Variants in CHCHD6 observed in about 807,000 individuals in gnomAD.
CHCHD6 encodes MICOS complex subunit MIC25.
A neutral mutation model predicts 32.3 loss-of-function variants in CHCHD6; 28 were observed. The ratio of observed to expected loss-of-function variants is 0.87; its 90% CI spans 0.64 to 1.19. The LOEUF (loss-of-function observed/expected upper bound fraction) is 1.19, where lower values mean the gene tolerates loss of function less well. Ranked by LOEUF, CHCHD6 falls within the 50% of genes most tolerant of loss-of-function variation. The probability of loss-of-function intolerance (pLI) is 0.00; values close to 1 mark genes in which losing one functional copy is unlikely to be tolerated. For synonymous variants in CHCHD6, 122 were observed against 117.5 expected (o/e 1.04, Z -0.25); for missense variants, 333 against 307.0 (o/e 1.08, Z -0.63).
chr3:126,924,939 G>C (rs2078301563), intron 6 of CHCHD6, among the ~76,000 whole-genome samples: 1 of 152,158 alleles, frequency 6.6e-6, no homozygotes, highest in African/African-American at 2.4e-5. Context: ...TTCAGGCCTG[G>C]CTCACTCACT....
intron 1 of CHCHD6, among the ~76,000 whole-genome samples, chr3:126,715,416 A>G (rs1485968426): frequency 6.6e-6 from 1 of 152,136 alleles, no homozygotes; most frequent in Non-Finnish European, 1.5e-5. Context: ...CATTAGCCTT[A>G]AATAGGCACC....
chr3:126,829,187 T>A (rs1300452678), intron 4 of CHCHD6, among the ~76,000 whole-genome samples: 3 of 152,176 alleles, frequency 2.0e-5, no homozygotes, highest in Non-Finnish European at 4.4e-5. Context: ...AGTTCAGTGA[T>A]CAGCCAGAGA....
At chr3:126,944,749 A>G (rs977820160) in intron 6 of CHCHD6, among the ~76,000 whole-genome samples, 1 of 152,334 alleles carries the variant, frequency 6.6e-6, no homozygotes, top group East Asian at 1.9e-4. Flanking sequence ...TGGTTAGCAG[A>G]CAGACATGGG....
At chr3:126,777,654 G>A (rs1172222894) in intron 4 of CHCHD6, among the ~76,000 whole-genome samples, 2 of 152,188 alleles carry the variant, frequency 1.3e-5, no homozygotes, top group Non-Finnish European at 2.9e-5. Flanking sequence ...GGCCATAGGT[G>A]GCAGCCCTGT....
chr3:126,863,320 A>G lies in CHCHD6; in HGVS notation c.495+10590A>G, dbSNP rs1479458489. On this transcript the variant is annotated intron_variant, in intron 5 of 7. Transcript: ENST00000290913. ...CTCCTCCTCCTCCTCCTCCATCACCACCTCCTCCTCCTCCTCCATCACCTC... is the reference window on the plus strand; with the variant it reads ...CTCCTCCTCCTCCTCCTCCATCACCGCCTCCTCCTCCTCCTCCATCACCTC... Among the ~76,000 whole-genome samples, 12 of 67,480 alleles carry G rather than the reference A, an allele frequency of 1.8e-4. 1 individual carries two copies. The highest frequency in any genetic ancestry group is 6.8e-4 in the South Asian group (1 of 1,476). 44.3% of individuals were successfully genotyped at this position (67,480 alleles called of 152,430 possible). A position where few individuals can be genotyped will look rare whatever the true frequency, so the allele number is the denominator to read the frequency against.
intron 4 of CHCHD6, among the ~76,000 whole-genome samples, chr3:126,816,313 T>C (rs905361330): frequency 6.6e-6 from 1 of 152,224 alleles, no homozygotes; most frequent in South Asian, 2.1e-4. Context: ...GGCGTTGTCA[T>C]ATTAATCCTG....
intron 6 of CHCHD6, among the ~76,000 whole-genome samples, chr3:126,931,705 T>G (rs759465125): frequency 1.1e-4 from 16 of 152,224 alleles, no homozygotes; most frequent in Admixed American, 2.0e-4. Context: ...TTGGGACCTT[T>G]CTAAGCTCCC....
chr3:126,758,724 G>C (rs1937057709), intron 4 of CHCHD6, among the ~76,000 whole-genome samples: 1 of 152,152 alleles, frequency 6.6e-6, no homozygotes, highest in African/African-American at 2.4e-5. Flanking sequence ...TATAGGAGGA[G>C]GACGAATGGA....
intron 4 of CHCHD6, among the ~76,000 whole-genome samples, chr3:126,774,787 G>A (rs1041947937): frequency 6.6e-6 from 1 of 152,176 alleles, no homozygotes; most frequent in African/African-American, 2.4e-5. Flanking sequence ...GTGTTAGGCT[G>A]GAGCAGTGTA....
intron 4 of CHCHD6, among the ~76,000 whole-genome samples, chr3:126,738,156 AGAT>A (rs1351362089): frequency 6.6e-6 from 1 of 152,172 alleles, no homozygotes; most frequent in African/African-American, 2.4e-5. Flanking sequence ...TTCAATGCCC[AGAT>A]GCTCCAGGTA....
intron 6 of CHCHD6, among the ~76,000 whole-genome samples, chr3:126,952,674 T>C (rs1288845757): frequency 1.3e-5 from 2 of 152,146 alleles, no homozygotes; most frequent in Non-Finnish European, 2.9e-5. Flanking sequence ...GGGACGGAGA[T>C]GGAGGCAAAA....
intron 4 of CHCHD6, among the ~76,000 whole-genome samples, chr3:126,764,379 G>A (rs750417624): frequency 1.3e-5 from 2 of 152,060 alleles, no homozygotes; most frequent in Admixed American, 6.6e-5. Flanking sequence ...CACCAAGCAC[G>A]TTCCCAGCTG....
At chr3:126,894,307 G>A (rs2077806898) in intron 5 of CHCHD6, among the ~76,000 whole-genome samples, 1 of 152,232 alleles carries the variant, frequency 6.6e-6, no homozygotes, top group African/African-American at 2.4e-5. Context: ...TTCTCCTGAG[G>A]GCCCACAAGG....
At chr3:126,763,642 C>T (rs1447699207) in intron 4 of CHCHD6, among the ~76,000 whole-genome samples, 1 of 152,104 alleles carries the variant, frequency 6.6e-6, no homozygotes, top group Non-Finnish European at 1.5e-5. Context: ...CACTCAGCCT[C>T]ATTTCTTTTA....
At chr3:126,718,204 A>G (rs1270605005) in intron 1 of CHCHD6, among the ~76,000 whole-genome samples, 1 of 152,196 alleles carries the variant, frequency 6.6e-6, no homozygotes, top group East Asian at 1.9e-4. Context: ...AACAGTGCTG[A>G]TGGTCTGTGG....
chr3:126,859,879 C>A (rs531522636), intron 5 of CHCHD6, among the ~76,000 whole-genome samples: 1 of 152,342 alleles, frequency 6.6e-6, no homozygotes, highest in African/African-American at 2.4e-5. Flanking sequence ...AGGCCTCGCT[C>A]ATGCTGGCGT....
intron 5 of CHCHD6, among the ~76,000 whole-genome samples, chr3:126,910,273 G>GAAAAAAAAAAAAA (rs547565601): frequency 4.5e-5 from 5 of 111,464 alleles, no homozygotes; most frequent in Admixed American, 1.0e-4. Context: ...CCTGCCTCAG[G>GAAAAAAAAAAAAA]AAAAAAAAAA....
intron 6 of CHCHD6, among the ~76,000 whole-genome samples, chr3:126,923,837 T>C (rs1255765473): frequency 6.6e-6 from 1 of 152,226 alleles, no homozygotes; most frequent in Non-Finnish European, 1.5e-5. Context: ...ACTCACATTT[T>C]AGTGAGAGAT....
At chr3:126,894,148 G>GC (rs2077803920) in intron 5 of CHCHD6, among the ~76,000 whole-genome samples, 2 of 152,262 alleles carry the variant, frequency 1.3e-5, no homozygotes, top group South Asian at 4.1e-4. Flanking sequence ...CTCCTGAGAT[G>GC]CCCCATGGCA....
Sources: gnomAD v4.1 joint callset for allele counts (sites outside exome capture counted in the v4.1 genomes callset) on GRCh38, gnomAD v4.1.1 for gene constraint, MANE v1.5 for transcripts, NCBI Gene and HGNC (gene_info 2026-07-23, HGNC 2026-07-21) for gene names.